ZNF880: variants seen among roughly 807,000 people sequenced by gnomAD.
The protein encoded by ZNF880 is zinc finger protein LOC400713.
Under a neutral mutation model 11.8 loss-of-function variants are expected in ZNF880, and 12 were observed. The ratio of observed to expected loss-of-function variants is 1.02; its 90% CI spans 0.65 to 1.65. The LOEUF is 1.65. ZNF880 is among the 40% of genes most tolerant of loss of function. The pLI is 0.00. For synonymous variants in ZNF880, 210 were observed against 232.4 expected (o/e 0.90, Z 0.88); for missense variants, 601 against 673.9 (o/e 0.89, Z 1.20).
chr19:52,390,462 T>C (rs180980273), downstream of ZNF880: 7 of 266,006 alleles, frequency 2.6e-5, no homozygotes, highest in East Asian at 8.5e-4. Context: ...TCTCCTGATA[T>C]CGAGTGTGGG....
At chr19:52,381,983 A>G (rs1986719278) in intron 3 of ZNF880, among the ~76,000 whole-genome samples, 1 of 152,128 alleles carries the variant, frequency 6.6e-6, no homozygotes, top group African/African-American at 2.4e-5. Context: ...CTATACATAT[A>G]TAGTGCTTTT....
chr19:52,372,418 A>G lies in ZNF880; in HGVS notation c.13-693A>G, dbSNP rs1410883330. 3.4e-4 allele frequency among the ~76,000 whole-genome samples: 49 copies of G among 145,804 alleles called. No homozygotes were observed. The East Asian group carries it at 9.8e-3, about 29-fold the overall frequency. On this transcript the variant is annotated intron_variant, in intron 1 of 3. Coordinates refer to ENST00000422689, the MANE Select transcript of ZNF880 (RefSeq NM_001145434.2). ...TTCTCCTGCCTCAGCCTCACGAGTA[A>G]CTGGGACTACAGGCGCCCGCCACTA... is the stretch of plus-strand genomic sequence containing the variant.
downstream of ZNF880, chr19:52,389,965 C>T (rs902279704): frequency 7.2e-5 from 11 of 152,224 alleles, no homozygotes; most frequent in African/African-American, 2.7e-4. Context: ...TGCCTGTTAC[C>T]CAGTTCAAAA....
At chr19:52,374,641 C>T in intron 3 of ZNF880, 1 of 689,494 alleles carries the variant, frequency 1.5e-6, no homozygotes, top group South Asian at 1.6e-5. Flanking sequence ...CCTGCAAAAC[C>T]ACACTTTGAG....
At chr19:52,381,928 T>C (rs1053433321) in intron 3 of ZNF880, among the ~76,000 whole-genome samples, 5 of 152,178 alleles carry the variant, frequency 3.3e-5, no homozygotes, top group African/African-American at 7.2e-5. Flanking sequence ...CATTAACATA[T>C]ATCAAAAAAG....
the ZNF880 span, among the ~76,000 whole-genome samples, chr19:52,394,018 C>CT: frequency 0.21 from 31,931 of 151,102 alleles, 3,823 homozygotes; most frequent in African/African-American, 0.33. Flanking sequence ...TTTGTATTTT[C>CT]TTAGTAGAGA....
chr19:52,386,802 CAAA>C (rs71180452), downstream of ZNF880, among the ~76,000 whole-genome samples: 5 of 79,924 alleles, frequency 6.3e-5, no homozygotes, highest in Non-Finnish European at 4.6e-5. Context: ...AACTCTGTCT[CAAA>C]AAAAAAAAAA....
downstream of ZNF880, chr19:52,390,286 G>A (rs2657916): frequency 0.14 from 51,244 of 361,206 alleles, 4,085 homozygotes; most frequent in African/African-American, 0.24. Context: ...CTTCCCATCT[G>A]CTCCGCTCCC....
Position 52,385,499 on chromosome 19 carries a change from G to T in ZNF880, c.*185G>T, listed in dbSNP as rs1986857820. ...AATGTATGTGAATCAGGTCTCTTGA[G>T]GCCTGCCAAATGACTAGATATCAAA... On this transcript the variant is annotated 3_prime_UTR_variant, in exon 4 of 4. Transcript: ENST00000422689. The T allele has an allele frequency of 1.5e-6, 1 of 673,082 alleles. No homozygotes were observed. The highest frequency in any genetic ancestry group is 3.1e-5 in the Admixed American group (1 of 32,070). 41.7% of individuals were successfully genotyped at this position (673,082 alleles called of 1,614,324 possible).
downstream of ZNF880, among the ~76,000 whole-genome samples, chr19:52,388,124 C>T (rs1377385494): frequency 1.1e-4 from 12 of 105,814 alleles, 2 homozygotes; most frequent in Non-Finnish European, 1.6e-4. Context: ...GTGATCCACC[C>T]GCCTCGGACT....
chr19:52,388,487 G>A (rs1000715596), downstream of ZNF880, among the ~76,000 whole-genome samples: 9 of 145,432 alleles, frequency 6.2e-5, no homozygotes, highest in Admixed American at 2.1e-4. Flanking sequence ...CATGTTGGCC[G>A]GGATGGTCTT....
At chr19:52,386,200 A>C (rs1283509344), downstream of ZNF880, among the ~76,000 whole-genome samples, 5 of 141,524 alleles carry the variant, frequency 3.5e-5, 1 homozygote, top group Non-Finnish European at 7.7e-5. Flanking sequence ...AAAGAAAAAG[A>C]AGCAGTATGA....
At chr19:52,387,241 T>A (rs1452054644), downstream of ZNF880, among the ~76,000 whole-genome samples, 1 of 143,872 alleles carries the variant, frequency 7.0e-6, no homozygotes, top group Non-Finnish European at 1.5e-5. Context: ...TGCACACACT[T>A]GTGGTGCATA....
upstream of ZNF880, chr19:52,369,845 G>C (rs994992628): frequency 1.5e-6 from 2 of 1,304,772 alleles, no homozygotes; most frequent in Non-Finnish European, 2.2e-6. Flanking sequence ...GACGAGCTGG[G>C]AGCGAGGCGG....
In ZNF880 at chr19:52,384,273, A is replaced by C; in HGVS notation, c.693A>C (p.Gln231His). Residue 231 changes from glutamine (Q) to histidine (H), a missense_variant, in exon 4 of 4, where the codon CAA (glutamine) becomes CAC (histidine). This residue lies in a region of ZNF880 where 420 missense variants were observed against 442.6 expected (regional missense o/e 0.95). Coordinates refer to ENST00000422689, the MANE Select transcript of ZNF880 (RefSeq NM_001145434.2). Reference protein sequence around the residue: ...FSNSSNLVQHQRIHTGEKPYK... With the variant: ...FSNSSNLVQHHRIHTGEKPYK... Reference sequence around the variant, plus strand: ...ACAGTTCAAACCTTGTACAACATCAAAGAATTCATACTGGAGAGAAGCCTT... The same window carrying C: ...ACAGTTCAAACCTTGTACAACATCACAGAATTCATACTGGAGAGAAGCCTT... 6.2e-7 allele frequency: 1 copy of C among 1,613,522 alleles called. No individual in the cohort carries two copies. Among genetic ancestry groups the C allele is most frequent in the Non-Finnish European group, 8.5e-7 (1 of 1,179,670 alleles).
chr19:52,385,368 A>T lies in ZNF880; in HGVS notation c.*54A>T. ...ATTCACACCTTGCACAGCATGAGAT[A>T]ATTCATTCATGAGAGAGTTCTTACA... On this transcript the variant is annotated 3_prime_UTR_variant, in exon 4 of 4. Coordinates refer to ENST00000422689, the MANE Select transcript of ZNF880 (RefSeq NM_001145434.2). 6.6e-7 allele frequency: 1 copy of T among 1,510,420 alleles called. No individual in the cohort carries two copies. The highest frequency in any genetic ancestry group is 8.9e-7 in the Non-Finnish European group (1 of 1,120,530). The allele number at this position is 1,510,420 out of a possible 1,614,324, so 93.6% of individuals were successfully genotyped here. A position where few individuals can be genotyped will look rare whatever the true frequency, so the allele number is the denominator to read the frequency against.
chr19:52,388,103 C>CCA (rs1225126795), downstream of ZNF880, among the ~76,000 whole-genome samples: 1 of 106,642 alleles, frequency 9.4e-6, no homozygotes. Flanking sequence ...TGGTCTCAAA[C>CCA]TCCTGACCTT....
chr19:52,379,186 C>T (rs1167308727), intron 3 of ZNF880, among the ~76,000 whole-genome samples: 1 of 151,944 alleles, frequency 6.6e-6, no homozygotes, highest in Non-Finnish European at 1.5e-5. Context: ...GATGTTGTAT[C>T]AGGGAATGGC....
intron 1 of ZNF880, 108 bp from the exon 2 acceptor site, chr19:52,373,002 AT>A: frequency 9.0e-7 from 1 of 1,108,180 alleles, no homozygotes; most frequent in Non-Finnish European, 1.4e-6. Flanking sequence ...AGCTAAAAAA[AT>A]ACCTTAACGT....
Sources: gnomAD v4.1 joint callset for allele counts (sites outside exome capture counted in the v4.1 genomes callset) on GRCh38, gnomAD v4.1.1 for gene constraint, gnomAD v4.1.1 regional missense constraint, MANE v1.5 for transcripts, NCBI Gene and HGNC (gene_info 2026-07-23, HGNC 2026-07-21) for gene names.